SCUBE1: variants seen among roughly 807,000 people sequenced by gnomAD.
SCUBE1 encodes signal peptide, CUB and EGF-like domain-containing protein 1.
A neutral mutation model predicts 124.4 loss-of-function variants in SCUBE1; 59 were observed. The ratio of observed to expected loss-of-function variants is 0.47; its 90% CI spans 0.38 to 0.59. The LOEUF (loss-of-function observed/expected upper bound fraction) is 0.59. SCUBE1 is among the 20% of genes least tolerant of loss of function. The pLI, the probability that SCUBE1 is intolerant of heterozygous loss-of-function variation, is 0.00. For missense variants in SCUBE1, 1,150 were observed against 1,371.2 expected, an observed-to-expected ratio of 0.84 and a Z score of 2.55; for synonymous variants, 545 against 550.9, an observed-to-expected ratio of 0.99 and a Z score of 0.15.
intron 7 of SCUBE1, among the ~76,000 whole-genome samples, chr22:43,232,838 G>C (rs147827960): frequency 6.6e-6 from 1 of 152,160 alleles, no homozygotes; most frequent in Non-Finnish European, 1.5e-5. Context: ...CTCCCTTGTC[G>C]GGCCCATCTG....
intron 4 of SCUBE1, chr22:43,281,939 A>T (rs1440942214): frequency 6.6e-6 from 1 of 152,448 alleles, no homozygotes; most frequent in East Asian, 1.9e-4. Context: ...TCCCATAGGT[A>T]ACCACAGCTG....
intron 3 of SCUBE1, among the ~76,000 whole-genome samples, chr22:43,292,409 AC>A (rs996838156): frequency 2.7e-4 from 41 of 151,580 alleles, no homozygotes; most frequent in Non-Finnish European, 5.9e-5. Context: ...CAGAGTCATA[AC>A]CCCCTGCTCT....
intron 15 of SCUBE1, 133 bp downstream of exon 15, chr22:43,218,122 C>G: frequency 1.2e-6 from 1 of 806,650 alleles, no homozygotes; most frequent in Middle Eastern, 3.6e-4. Context: ...AGTCCTTCTC[C>G]CCGGCAGGCC....
At chr22:43,209,544 G>A (rs1387798050) in intron 19 of SCUBE1, among the ~76,000 whole-genome samples, 3 of 152,212 alleles carry the variant, frequency 2.0e-5, no homozygotes, top group Middle Eastern at 3.2e-3. Context: ...CCTGACGGGG[G>A]CGGATGAGCC....
intron 3 of SCUBE1, 89 bp downstream of exon 3, chr22:43,319,848 G>T: frequency 6.7e-7 from 1 of 1,497,352 alleles, no homozygotes; most frequent in Non-Finnish European, 9.0e-7. Context: ...AAAGGAAGGA[G>T]AACCTTCTCA....
chr22:43,313,338 G>A (rs970602556), intron 3 of SCUBE1, among the ~76,000 whole-genome samples: 2 of 152,222 alleles, frequency 1.3e-5, no homozygotes, highest in African/African-American at 2.4e-5. Context: ...AATTCAAACT[G>A]TGAGCAACTT....
At chr22:43,220,228 T>C (rs898257298) in intron 14 of SCUBE1, among the ~76,000 whole-genome samples, 3 of 152,214 alleles carry the variant, frequency 2.0e-5, no homozygotes, top group Non-Finnish European at 4.4e-5. Context: ...TTCTGTCTCA[T>C]TGCCCTGGGC....
intron 3 of SCUBE1, among the ~76,000 whole-genome samples, chr22:43,316,267 C>G (rs867152023): frequency 1.4e-4 from 21 of 152,168 alleles, no homozygotes; most frequent in African/African-American, 5.1e-4. Flanking sequence ...AAAGGTCACA[C>G]AGCTGATAGA....
intron 10 of SCUBE1, 75 bp downstream of exon 10, chr22:43,227,299 C>T: frequency 2.0e-6 from 3 of 1,520,414 alleles, no homozygotes; most frequent in Non-Finnish European, 2.7e-6. Flanking sequence ...TCACCCCCAC[C>T]TCAGAAAAGC....
intron 3 of SCUBE1, among the ~76,000 whole-genome samples, chr22:43,310,772 T>C (rs1245476230): frequency 6.6e-6 from 1 of 152,258 alleles, no homozygotes; most frequent in African/African-American, 2.4e-5. Flanking sequence ...ATACACATTT[T>C]TTAAAAACTT....
chr22:43,299,425 C>T lies in SCUBE1; in HGVS notation c.350-8245G>A, dbSNP rs532541781. Among the ~76,000 whole-genome samples, 26 of 152,316 alleles carry T rather than the reference C, an allele frequency of 1.7e-4. No homozygotes were observed. The South Asian group carries it at 5.2e-3, about 30-fold the overall frequency. ...CTTCTGGTCTCCAAGTGAAGCCGCT[C>T]GGCTCCTGACACTGTTCCCTCCTGA... On this transcript the variant is annotated intron_variant, in intron 3 of 21. Transcript: ENST00000360835.
intron 21 of SCUBE1, among the ~76,000 whole-genome samples, chr22:43,206,968 G>A (rs575178137): frequency 3.3e-5 from 5 of 152,280 alleles, no homozygotes; most frequent in East Asian, 1.9e-4. Context: ...AAGTGACAGC[G>A]GGAGCGTTCC....
At chr22:43,318,586 T>C (rs1277414593) in intron 3 of SCUBE1, among the ~76,000 whole-genome samples, 2 of 152,186 alleles carry the variant, frequency 1.3e-5, no homozygotes, top group Admixed American at 1.3e-4. Flanking sequence ...GACTATCTGA[T>C]CACCACTATG....
chr22:43,227,733 G>C lies in SCUBE1; in HGVS notation c.1085-237C>G, dbSNP rs6003116. 2.3e-3 allele frequency among the ~76,000 whole-genome samples: 351 copies of C among 152,306 alleles called. 1 individual carries two copies. Among genetic ancestry groups the C allele is most frequent in the African/African-American group, 7.8e-3 (326 of 41,562 alleles). On this transcript the variant is annotated intron_variant, in intron 9 of 21. Coordinates refer to ENST00000360835, the MANE Select transcript of SCUBE1 (RefSeq NM_173050.5). ...AACCTGGGTGGTTTTCTGAACTCAA[G>C]CAGCTGCACCCCAGGCTAGGGGGCA...
chr22:43,304,791 T>C (rs1310225061), intron 3 of SCUBE1, among the ~76,000 whole-genome samples: 4 of 151,722 alleles, frequency 2.6e-5, no homozygotes, highest in African/African-American at 9.7e-5. Flanking sequence ...CTTCACCCCA[T>C]CTCCACCCCC....
At chr22:43,301,790 C>T (rs1308136869) in intron 3 of SCUBE1, among the ~76,000 whole-genome samples, 1 of 152,236 alleles carries the variant, frequency 6.6e-6, no homozygotes, top group Non-Finnish European at 1.5e-5. Flanking sequence ...GTGCACGGGG[C>T]ACATGATGTA....
At chr22:43,320,843 T>C (rs564526726) in intron 2 of SCUBE1, among the ~76,000 whole-genome samples, 1 of 152,334 alleles carries the variant, frequency 6.6e-6, no homozygotes, top group South Asian at 2.1e-4. Flanking sequence ...CAAATGGGAT[T>C]CGAATCCGTG....
chr22:43,324,022 G>T (rs139767245), intron 2 of SCUBE1, among the ~76,000 whole-genome samples: 2 of 152,344 alleles, frequency 1.3e-5, no homozygotes, highest in African/African-American at 4.8e-5. Context: ...TCTATAAGAT[G>T]TAATCCAACT....
At chr22:43,292,302 C>T (rs1227285801) in intron 3 of SCUBE1, among the ~76,000 whole-genome samples, 1 of 152,170 alleles carries the variant, frequency 6.6e-6, no homozygotes, top group African/African-American at 2.4e-5. Context: ...GGCCGACACT[C>T]ATTTCTGACC....
Sources: allele counts gnomAD v4.1 joint callset (sites outside exome capture counted in the v4.1 genomes callset), GRCh38; gene constraint gnomAD v4.1.1; transcripts MANE v1.5; gene names NCBI Gene and HGNC (gene_info 2026-07-23, HGNC 2026-07-21).